The following FRMD6 variants were observed in gnomAD, a reference collection of about 807,000 sequenced individuals.
FRMD6 encodes the protein FERM domain containing 6.
A neutral mutation model predicts 73.2 loss-of-function variants in FRMD6; 37 were observed. The observed-to-expected ratio is 0.51, with a 90% CI of 0.39 to 0.66. The LOEUF is 0.66. FRMD6 is among the 30% of genes least tolerant of loss of function. The pLI is 0.00. For synonymous variants in FRMD6, 273 were observed against 282.2 expected (o/e 0.97, Z 0.33); for missense variants, 714 against 780.5 (o/e 0.91, Z 1.02).
the FRMD6 span, among the ~76,000 whole-genome samples, chr14:51,448,300 T>C: frequency 6.6e-6 from 1 of 152,246 alleles, no homozygotes; most frequent in South Asian, 2.1e-4. Flanking sequence ...AATATTTCCA[T>C]TGCTTTATCT....
intron 2 of FRMD6, among the ~76,000 whole-genome samples, chr14:51,646,862 A>G (rs2140059487): frequency 6.6e-6 from 1 of 151,932 alleles, no homozygotes; most frequent in East Asian, 1.9e-4. Flanking sequence ...CCTTGCCGCT[A>G]TGCCTTTCAA....
At chr14:51,431,541 C>G in the FRMD6 span, among the ~76,000 whole-genome samples, 3 of 152,312 alleles carry the variant, frequency 2.0e-5, no homozygotes, top group African/African-American at 4.8e-5. Flanking sequence ...GCATTGACAG[C>G]ACCTCCTTCT....
chr14:51,441,239 A>G, the FRMD6 span, among the ~76,000 whole-genome samples: 2 of 152,228 alleles, frequency 1.3e-5, no homozygotes, highest in Non-Finnish European at 2.9e-5. Context: ...CAAATGCTCC[A>G]CAACCTGGAA....
At position 51,697,787 on chromosome 14, in the gene FRMD6, T is replaced by G. The variant is rs1896044796; in HGVS notation, c.100-355T>G. Among the ~76,000 whole-genome samples the G allele has an allele frequency of 2.6e-5, 4 of 152,246 alleles. No individual in the cohort carries two copies. In the South Asian group the frequency reaches 8.3e-4, roughly 32 times the overall value. ...TTAAAAAAACAAATGAATAAAAATT[T>G]TTTAAAAAAGATACTTGCCAAATAA... On this transcript the variant is annotated intron_variant, in intron 2 of 13. Transcript: ENST00000344768.
At chr14:51,533,869 A>C (rs577670469) in intron 1 of FRMD6, among the ~76,000 whole-genome samples, 4 of 152,166 alleles carry the variant, frequency 2.6e-5, no homozygotes, top group Non-Finnish European at 5.9e-5. Flanking sequence ...CACTGACAAT[A>C]ACTCCCCTCA....
intron 2 of FRMD6, among the ~76,000 whole-genome samples, chr14:51,581,628 C>T (rs1399603516): frequency 6.6e-6 from 1 of 152,142 alleles, no homozygotes; most frequent in Admixed American, 6.5e-5. Context: ...ATGTCTTTAT[C>T]TATCCTTGGT....
At chr14:51,450,957 G>T in the FRMD6 span, among the ~76,000 whole-genome samples, 7 of 152,316 alleles carry the variant, frequency 4.6e-5, no homozygotes, top group African/African-American at 1.7e-4. Flanking sequence ...ACTGTGGAGG[G>T]TGATTTGGGT....
At chr14:51,645,446 C>T (rs750972395) in intron 2 of FRMD6, among the ~76,000 whole-genome samples, 1 of 151,828 alleles carries the variant, frequency 6.6e-6, no homozygotes, top group African/African-American at 2.4e-5. Flanking sequence ...TCTTCTTCTT[C>T]TTGAGACAGT....
chr14:51,487,373 T>G (rs986160539), upstream of FRMD6, among the ~76,000 whole-genome samples: 4 of 152,242 alleles, frequency 2.6e-5, no homozygotes, highest in African/African-American at 4.8e-5. Context: ...GAAAAAATGC[T>G]GCTGACTATA....
intron 10 of FRMD6, 59 bp downstream of exon 10, chr14:51,715,558 C>T: frequency 1.4e-6 from 2 of 1,409,876 alleles, no homozygotes; most frequent in East Asian, 2.5e-5. Context: ...TGGCCTCTTA[C>T]TCTGAATGGG....
At chr14:51,532,730 A>AGTTT (rs1885661820) in intron 1 of FRMD6, among the ~76,000 whole-genome samples, 1 of 152,210 alleles carries the variant, frequency 6.6e-6, no homozygotes, top group African/African-American at 2.4e-5. Context: ...TTGAGGACAG[A>AGTTT]GTTTGTACTT....
At chr14:51,459,047 A>T in the FRMD6 span, among the ~76,000 whole-genome samples, 1 of 152,296 alleles carries the variant, frequency 6.6e-6, no homozygotes, top group African/African-American at 2.4e-5. Flanking sequence ...TCGGAGATGC[A>T]CACGGCAGCG....
At chr14:51,683,906 C>G (rs1476498565) in intron 1 of FRMD6, among the ~76,000 whole-genome samples, 2 of 152,146 alleles carry the variant, frequency 1.3e-5, no homozygotes, top group African/African-American at 4.8e-5. Flanking sequence ...CTTAGCCTTT[C>G]CACAGTGCCT....
the FRMD6 span, among the ~76,000 whole-genome samples, chr14:51,440,428 G>A: frequency 6.6e-6 from 1 of 152,210 alleles, no homozygotes; most frequent in Non-Finnish European, 1.5e-5. Flanking sequence ...GTTTGGTTAT[G>A]TAAAGCTGGA....
At chr14:51,649,585 A>G (rs1299109823), upstream of FRMD6, 1 of 152,212 alleles carries the variant, frequency 6.6e-6, no homozygotes, top group Non-Finnish European at 1.5e-5. Context: ...GGATTATCTC[A>G]GTAGGTACCA....
At chr14:51,498,416 A>C (rs114621857) in intron 1 of FRMD6, among the ~76,000 whole-genome samples, 1 of 112,692 alleles carries the variant, frequency 8.9e-6, no homozygotes, top group African/African-American at 4.0e-5. Context: ...CCACTCACCA[A>C]TTTTTGTTTT....
rs796221917 is a variant in FRMD6, at chr14:51,644,385, A to T, written c.-146-45306A>T. Among the ~76,000 whole-genome samples, 535 of 82,440 alleles carry T rather than the reference A, an allele frequency of 6.5e-3. 2 individuals carry two copies. The highest frequency in any genetic ancestry group is 0.03 in the South Asian group (68 of 2,296). 54.1% of individuals were successfully genotyped at this position (82,440 alleles called of 152,430 possible). Reference sequence around the variant, plus strand: ...CACACACACACACACACACACACACACACTCACTCACTCTCTCTCTCTCTC... The same window carrying T: ...CACACACACACACACACACACACACTCACTCACTCACTCTCTCTCTCTCTC... On this transcript the variant is annotated intron_variant, in intron 2 of 14. Coordinates refer to the FRMD6 transcript ENST00000356218.
At chr14:51,511,155 A>G (rs1223408345) in intron 1 of FRMD6, among the ~76,000 whole-genome samples, 3 of 152,154 alleles carry the variant, frequency 2.0e-5, no homozygotes, top group Non-Finnish European at 4.4e-5. Context: ...AAAAACAGAT[A>G]TTCCCCACAC....
the FRMD6 span, among the ~76,000 whole-genome samples, chr14:51,449,991 T>C: frequency 2.0e-5 from 3 of 152,328 alleles, no homozygotes; most frequent in East Asian, 5.8e-4. Context: ...CCTGAACCAT[T>C]AAAATTCATA....
Sources: allele counts gnomAD v4.1 joint callset (sites outside exome capture counted in the v4.1 genomes callset), GRCh38; gene constraint gnomAD v4.1.1; transcripts MANE v1.5; gene names NCBI Gene and HGNC (gene_info 2026-07-23, HGNC 2026-07-21).